The following SRD5A2 variants were observed in gnomAD, a reference collection of about 807,000 sequenced individuals.
The protein encoded by SRD5A2 is 3-oxo-5-alpha-steroid 4-dehydrogenase 2.
Under a neutral mutation model 27.4 loss-of-function variants are expected in SRD5A2, and 30 were observed. That is an observed-to-expected ratio of 1.10 (90% CI 0.82 to 1.49). SRD5A2 has a LOEUF of 1.49. Ranked by LOEUF, SRD5A2 falls within the 40% of genes most tolerant of loss-of-function variation. The probability of loss-of-function intolerance (pLI) is 0.00; values close to 1 mark genes in which losing one functional copy is unlikely to be tolerated. For synonymous variants in SRD5A2, 141 were observed against 133.6 expected (o/e 1.06, Z -0.38); for missense variants, 348 against 323.4 (o/e 1.08, Z -0.58).
chr2:31,593,553 C>A, the SRD5A2 span, among the ~76,000 whole-genome samples: 3 of 152,052 alleles, frequency 2.0e-5, no homozygotes, highest in African/African-American at 7.2e-5. Flanking sequence ...GTTAAACAAC[C>A]AAACATAAGA....
At position 31,529,488 on chromosome 2, in the gene SRD5A2, T is replaced by G. The variant is rs749334077; in HGVS notation, c.548-31A>C. 4 of 1,605,278 alleles carry G rather than the reference T, an allele frequency of 2.5e-6. No individual in the cohort carries two copies. In the African/African-American group the frequency reaches 5.4e-5, roughly 22 times the overall value. On this transcript the variant is annotated intron_variant, in intron 3 of 4. Coordinates refer to ENST00000622030, the MANE Select transcript of SRD5A2 (RefSeq NM_000348.4). ...TGCAGAAGAATCGGAAGGTCAATCA[T>G]TGCAACTGAATCATTTTGACATTAA...
intron 1 of SRD5A2, among the ~76,000 whole-genome samples, chr2:31,576,524 T>C: frequency 4.8e-5 from 3 of 62,690 alleles, no homozygotes; most frequent in Admixed American, 3.7e-4. Context: ...TGTGGAGAAA[T>C]AGGAACACTT....
chr2:31,567,222 T>C (rs1666748991), intron 1 of SRD5A2, among the ~76,000 whole-genome samples: 1 of 152,198 alleles, frequency 6.6e-6, no homozygotes, highest in Admixed American at 6.5e-5. Context: ...GTAGAATTCC[T>C]GGCCCTCCTC....
At chr2:31,530,775 G>T (rs556018468) in intron 3 of SRD5A2, among the ~76,000 whole-genome samples, 4 of 152,240 alleles carry the variant, frequency 2.6e-5, no homozygotes, top group African/African-American at 9.6e-5. Context: ...GCGTATATTT[G>T]TCAATCTCAT....
the SRD5A2 span, among the ~76,000 whole-genome samples, chr2:31,592,233 G>A: frequency 6.6e-6 from 1 of 151,304 alleles, no homozygotes; most frequent in Non-Finnish European, 1.5e-5. Context: ...CTCCTGGCTG[G>A]AGGCCATCCA....
intron 1 of SRD5A2, among the ~76,000 whole-genome samples, chr2:31,560,085 T>C (rs1666590108): frequency 7.1e-6 from 1 of 140,766 alleles, no homozygotes; most frequent in Non-Finnish European, 1.5e-5. Context: ...TAAAAAGTCA[T>C]TGACCATTGG....
chr2:31,557,455 A>C (rs956364954), intron 1 of SRD5A2, among the ~76,000 whole-genome samples: 1 of 152,224 alleles, frequency 6.6e-6, no homozygotes, highest in African/African-American at 2.4e-5. Context: ...AAAAGGCTTA[A>C]CTCAGTAAAA....
intron 1 of SRD5A2, among the ~76,000 whole-genome samples, chr2:31,536,425 A>G (rs989315674): frequency 2.6e-5 from 4 of 152,184 alleles, no homozygotes; most frequent in African/African-American, 9.6e-5. Context: ...AAAGGAAGAG[A>G]GAGGACAAGG....
the SRD5A2 span, among the ~76,000 whole-genome samples, chr2:31,637,355 G>C: frequency 1.3e-5 from 2 of 152,072 alleles, no homozygotes; most frequent in Middle Eastern, 6.8e-3. Context: ...CTGAGCACTG[G>C]TCATGACCCT....
At chr2:31,662,928 T>C in the SRD5A2 span, among the ~76,000 whole-genome samples, 2 of 152,126 alleles carry the variant, frequency 1.3e-5, no homozygotes, top group Non-Finnish European at 2.9e-5. Flanking sequence ...GACAGCTCCA[T>C]ACCCCAGCTA....
chr2:31,552,129 C>T (rs1666393021), intron 1 of SRD5A2, among the ~76,000 whole-genome samples: 1 of 151,190 alleles, frequency 6.6e-6, no homozygotes, highest in African/African-American at 2.4e-5. Context: ...TCCCTCACCT[C>T]ATTATTCCAC....
chr2:31,579,694 G>C (rs570466878), intron 1 of SRD5A2, among the ~76,000 whole-genome samples: 1 of 152,200 alleles, frequency 6.6e-6, no homozygotes, highest in Non-Finnish European at 1.5e-5. Context: ...ACAGAGTTAA[G>C]TGAGACCATA....
chr2:31,657,223 T>C, the SRD5A2 span, among the ~76,000 whole-genome samples: 3 of 152,194 alleles, frequency 2.0e-5, no homozygotes, highest in Non-Finnish European at 4.4e-5. Context: ...GTGCGTCCCA[T>C]GATAATATTA....
At chr2:31,651,308 G>T in the SRD5A2 span, 1 of 159,520 alleles carries the variant, frequency 6.3e-6, no homozygotes, top group East Asian at 1.8e-4. Flanking sequence ...GATTTCTGAA[G>T]AGTGAGACAT....
chr2:31,562,093 T>C (rs1666635841), intron 1 of SRD5A2, among the ~76,000 whole-genome samples: 3 of 152,196 alleles, frequency 2.0e-5, no homozygotes, highest in Admixed American at 1.3e-4. Context: ...CACTGTTGGA[T>C]AAATACATGC....
the SRD5A2 span, among the ~76,000 whole-genome samples, chr2:31,661,430 C>T: frequency 6.6e-6 from 1 of 152,152 alleles, no homozygotes; most frequent in Non-Finnish European, 1.5e-5. Context: ...ACATTTCTTA[C>T]ACTGAGCAGT....
chr2:31,561,020 C>T (rs1036712793), intron 1 of SRD5A2, among the ~76,000 whole-genome samples: 1 of 152,066 alleles, frequency 6.6e-6, no homozygotes, highest in African/African-American at 2.4e-5. Flanking sequence ...AGAATCAAAC[C>T]TTCTATATAC....
At chr2:31,656,844 A>T in the SRD5A2 span, among the ~76,000 whole-genome samples, 1 of 152,196 alleles carries the variant, frequency 6.6e-6, no homozygotes, top group Non-Finnish European at 1.5e-5. Flanking sequence ...TACCCCTCAT[A>T]CAATGTGTTG....
intron 1 of SRD5A2, among the ~76,000 whole-genome samples, chr2:31,558,963 G>T (rs563209527): frequency 3.9e-5 from 6 of 152,178 alleles, no homozygotes; most frequent in Non-Finnish European, 7.3e-5. Context: ...TTCCAAATAA[G>T]GTCATAGTCT....
Sources: gnomAD v4.1 joint callset for allele counts (sites outside exome capture counted in the v4.1 genomes callset) on GRCh38, gnomAD v4.1.1 for gene constraint, MANE v1.5 for transcripts, NCBI Gene and HGNC (gene_info 2026-07-23, HGNC 2026-07-21) for gene names.